The following FOXP1 variants were observed in gnomAD, a reference collection of about 807,000 sequenced individuals.
The protein encoded by FOXP1 is forkhead box P1.
In FOXP1, 15 loss-of-function variants were observed where a neutral mutation model predicts 98.2. That is an observed-to-expected ratio of 0.15 (90% CI 0.10 to 0.24). The LOEUF is 0.24. Among genes scored for constraint, FOXP1 ranks in the 10% least tolerant of loss-of-function variants. FOXP1 has a pLI of 1.00. For missense variants in FOXP1, 633 were observed against 848.5 expected, an observed-to-expected ratio of 0.75 and a Z score of 3.15; for synonymous variants, 371 against 314.5, an observed-to-expected ratio of 1.18 and a Z score of -1.90.
chr3:71,052,421 G>A, intron 9 of FOXP1, 116 bp downstream of exon 9: 1 of 767,178 alleles, frequency 1.3e-6, no homozygotes, highest in Middle Eastern at 3.0e-4. Flanking sequence ...TGAAAGCTGA[G>A]AACCGATAGA....
rs189807103 is a variant in FOXP1 at position 71,180,248 on chromosome 3, A to G, written c.180+17954T>C. Among the ~76,000 whole-genome samples the G allele has an allele frequency of 2.8e-3, 432 of 152,302 alleles. 2 individuals are homozygous for G. Among genetic ancestry groups the G allele is most frequent in the African/African-American group, 9.6e-3 (401 of 41,572 alleles). On this transcript the variant is annotated intron_variant, in intron 6 of 20. Transcript: ENST00000649528. Reference sequence around the variant, plus strand: ...CTTCCAGAAATCAACACGGGCCACAAGAATCATGTATTATTTCAGACTAGA... The same window carrying G: ...CTTCCAGAAATCAACACGGGCCACAGGAATCATGTATTATTTCAGACTAGA...
chr3:71,205,879 T>C (rs1484410594), intron 5 of FOXP1, among the ~76,000 whole-genome samples: 1 of 152,162 alleles, frequency 6.6e-6, no homozygotes, highest in Non-Finnish European at 1.5e-5. Flanking sequence ...AGAAAACCCA[T>C]GCTTATTTTC....
At chr3:71,158,298 G>A (rs1023564001) in intron 6 of FOXP1, among the ~76,000 whole-genome samples, 7 of 152,206 alleles carry the variant, frequency 4.6e-5, no homozygotes, top group Admixed American at 1.3e-4. Context: ...ATAAATAAAA[G>A]TGGTAACTGC....
chr3:71,219,870 C>CT (rs2065222043), intron 5 of FOXP1, among the ~76,000 whole-genome samples: 2 of 6,144 alleles, frequency 3.3e-4, no homozygotes, highest in Admixed American at 3.3e-3. Flanking sequence ...TCCCCACTCT[C>CT]TCTCTCTCCT....
intron 3 of FOXP1, among the ~76,000 whole-genome samples, chr3:71,376,465 T>A (rs1326383683): frequency 1.3e-5 from 2 of 152,202 alleles, no homozygotes; most frequent in African/African-American, 4.8e-5. Context: ...GGCTAGTACA[T>A]TCAAAAGCAA....
intron 3 of FOXP1, among the ~76,000 whole-genome samples, chr3:71,396,962 A>ATAAACATATATATG (rs1560424349): frequency 4.0e-5 from 1 of 24,746 alleles, no homozygotes; most frequent in Non-Finnish European, 1.1e-4. Flanking sequence ...ATATATATAT[A>ATAAACATATATATG]TGTGTGTATA....
intron 5 of FOXP1, among the ~76,000 whole-genome samples, chr3:71,226,847 T>C (rs551033315): frequency 1.3e-5 from 2 of 152,248 alleles, no homozygotes; most frequent in South Asian, 2.1e-4. Flanking sequence ...AAGTGCGCTG[T>C]TCACCGGCCA....
intron 4 of FOXP1, among the ~76,000 whole-genome samples, chr3:71,318,049 C>T (rs1304864283): frequency 6.6e-6 from 1 of 152,048 alleles, no homozygotes. Context: ...TTTTTATACA[C>T]ACACTTTATA....
At chr3:71,316,123 G>C (rs1288690) in intron 4 of FOXP1, among the ~76,000 whole-genome samples, 141,662 of 152,224 alleles carry the variant, frequency 0.93, 66,819 homozygotes, top group East Asian at 1. Context: ...CTTCTCTTCT[G>C]CAGATCCAGG....
chr3:71,228,984 T>C (rs2066066703), intron 5 of FOXP1, among the ~76,000 whole-genome samples: 1 of 143,884 alleles, frequency 7.0e-6, no homozygotes, highest in Non-Finnish European at 1.5e-5. Flanking sequence ...TTTTTTTTGA[T>C]GTCTCATTTT....
intron 7 of FOXP1, among the ~76,000 whole-genome samples, chr3:71,066,485 A>T (rs2052528624): frequency 6.6e-6 from 1 of 152,180 alleles, no homozygotes; most frequent in African/African-American, 2.4e-5. Flanking sequence ...TTTGCGAGGT[A>T]GAAGGACCTT....
At chr3:71,541,703 G>A (rs551309762) in intron 2 of FOXP1, among the ~76,000 whole-genome samples, 11 of 151,968 alleles carry the variant, frequency 7.2e-5, no homozygotes, top group Non-Finnish European at 1.3e-4. Context: ...AAAAAGTTAA[G>A]GCTCAGATAC....
At chr3:71,240,948 C>T (rs781017927) in intron 5 of FOXP1, among the ~76,000 whole-genome samples, 5 of 151,850 alleles carry the variant, frequency 3.3e-5, no homozygotes, top group Non-Finnish European at 7.4e-5. Context: ...CGGTTTCTCA[C>T]GCCTGTAATC....
At chr3:71,081,981 A>C (rs11917461) in intron 7 of FOXP1, among the ~76,000 whole-genome samples, 7,818 of 152,314 alleles carry the variant, frequency 0.051, 676 homozygotes, top group African/African-American at 0.18. Flanking sequence ...GTGCAGACAT[A>C]GAATAGACGG....
Position 71,198,243 on chromosome 3 carries a change from C to T in FOXP1, c.139G>A (p.Gly47Arg). ...TGGGCGTGGGCGAGGTCAGCTGCCCCGATGTCCACGGCCGGCGTCTCTCCG... is the reference window on the plus strand; with the variant it reads ...TGGGCGTGGGCGAGGTCAGCTGCCCTGATGTCCACGGCCGGCGTCTCTCCG... ...SNGETPAVDI[G>R]AADLAHAQQQ... is the part of the protein sequence containing the mutation. The change falls in exon 6 of 21, where the codon GGG becomes AGG. Residue 47 changes from glycine (G) to arginine (R), a missense_variant. This residue lies in a region of FOXP1 where 103 missense variants were observed against 85.5 expected (regional missense o/e 1.20). Coordinates refer to ENST00000649528, the MANE Select transcript of FOXP1 (RefSeq NM_001349338.3). 1.2e-6 allele frequency: 2 copies of T among 1,614,134 alleles called. No individual in the cohort carries two copies. The highest frequency in any genetic ancestry group is 1.7e-6 in the Non-Finnish European group (2 of 1,180,044).
Position 71,317,315 on chromosome 3 carries a change from C to T in FOXP1, c.-72-17435G>A, listed in dbSNP as rs116088706. ...TCAAACATTTTGCTGGCTGACATGACGCCACGCTGTCACTTGATCAGGTGT... is the reference window on the plus strand; with the variant it reads ...TCAAACATTTTGCTGGCTGACATGATGCCACGCTGTCACTTGATCAGGTGT... On this transcript the variant is annotated intron_variant, in intron 4 of 20. Coordinates refer to ENST00000649528, the MANE Select transcript of FOXP1 (RefSeq NM_001349338.3). 9.4e-3 allele frequency among the ~76,000 whole-genome samples: 1,424 copies of T among 152,282 alleles called. 25 individuals carry two copies. The highest frequency in any genetic ancestry group is 0.033 in the African/African-American group (1,359 of 41,546).
rs191042669 is a variant in FOXP1, at chr3:71,553,097, A to G, written c.-298+28452T>C. 3.4e-3 allele frequency among the ~76,000 whole-genome samples: 515 copies of G among 152,216 alleles called. 9 individuals are homozygous for G. The highest frequency in any genetic ancestry group is 1.1e-3 in the Non-Finnish European group (73 of 67,948). ...CAAATGTCAGTATTTCTGGCCCATA[A>G]TATTAACTGAGAAAATATTCGTTCC... On this transcript the variant is annotated intron_variant, in intron 2 of 20. Transcript: ENST00000649528.
chr3:71,022,645 G>A (rs2107805795), intron 11 of FOXP1, among the ~76,000 whole-genome samples: 1 of 152,290 alleles, frequency 6.6e-6, no homozygotes, highest in Admixed American at 6.5e-5. Context: ...GGAATGGTTG[G>A]GAGCATAGTG....
At position 71,058,884 on chromosome 3, in the gene FOXP1, T is replaced by TA. The variant is rs1371315822; in HGVS notation, c.283-5112dup. ...CACTTCTGATATAATATTTCGGTCT[T>TA]AAAAAAATAAAAAAAAAAAAGCATG... On this transcript the variant is annotated intron_variant, in intron 7 of 20. Transcript: ENST00000649528. Among the ~76,000 whole-genome samples, 74 of 150,536 alleles carry TA rather than the reference T, an allele frequency of 4.9e-4. 1 individual carries two copies. Among genetic ancestry groups the TA allele is most frequent in the Admixed American group, 5.3e-4 (8 of 15,180 alleles).
Sources: allele counts gnomAD v4.1 joint callset (sites outside exome capture counted in the v4.1 genomes callset), GRCh38; gene constraint gnomAD v4.1.1; regional missense constraint gnomAD v4.1.1; transcripts MANE v1.5; gene names NCBI Gene and HGNC (gene_info 2026-07-23, HGNC 2026-07-21).